The following ADARB2 variants were observed in gnomAD, a reference collection of about 807,000 sequenced individuals.
ADARB2 encodes the protein adenosine deaminase RNA specific B2 (inactive).
A neutral mutation model predicts 62.2 loss-of-function variants in ADARB2; 25 were observed. The observed-to-expected ratio is 0.40, with a 90% CI of 0.29 to 0.56. ADARB2 has a LOEUF of 0.56. Among genes scored for constraint, ADARB2 ranks in the 20% least tolerant of loss-of-function variants. The pLI, the probability that ADARB2 is intolerant of heterozygous loss-of-function variation, is 0.43. For synonymous variants in ADARB2, 572 were observed against 500.8 expected, an observed-to-expected ratio of 1.14 and a Z score of -1.90; for missense variants, 1,071 against 1,077.4, an observed-to-expected ratio of 0.99 and a Z score of 0.08.
intron 1 of ADARB2, among the ~76,000 whole-genome samples, chr10:1,468,291 C>A (rs1185708759): frequency 6.6e-6 from 1 of 152,150 alleles, no homozygotes; most frequent in Admixed American, 6.5e-5. Context: ...TTGCTGGCTG[C>A]CTGAGGCCAA....
intron 1 of ADARB2, among the ~76,000 whole-genome samples, chr10:1,706,547 A>G (rs541105204): frequency 6.6e-6 from 1 of 152,354 alleles, no homozygotes; most frequent in East Asian, 1.9e-4. Context: ...ATGGTGTTCC[A>G]GGAGAGTATT....
At chr10:1,587,476 G>T (rs781247241) in intron 1 of ADARB2, among the ~76,000 whole-genome samples, 7 of 151,818 alleles carry the variant, frequency 4.6e-5, no homozygotes, top group Non-Finnish European at 8.8e-5. Context: ...GTGTAGGTTC[G>T]GTTTCAGACA....
intron 1 of ADARB2, among the ~76,000 whole-genome samples, chr10:1,452,646 T>C (rs1370654077): frequency 1.2e-5 from 1 of 85,798 alleles, no homozygotes; most frequent in Non-Finnish European, 2.3e-5. Context: ...CACTGGGGCC[T>C]GTTGGGGGGT....
intron 3 of ADARB2, among the ~76,000 whole-genome samples, chr10:1,354,935 T>A (rs1832180259): frequency 6.6e-6 from 1 of 152,190 alleles, no homozygotes; most frequent in Non-Finnish European, 1.5e-5. Flanking sequence ...CTGAGCTCCA[T>A]GGAGGTACCC....
intron 1 of ADARB2, among the ~76,000 whole-genome samples, chr10:1,385,482 A>G (rs1832518027): frequency 6.6e-6 from 1 of 152,148 alleles, no homozygotes; most frequent in Non-Finnish European, 1.5e-5. Flanking sequence ...GCTCAAAAAC[A>G]TAACATTTGA....
intron 1 of ADARB2, among the ~76,000 whole-genome samples, chr10:1,488,582 C>A (rs1026606628): frequency 1.1e-4 from 17 of 151,134 alleles, no homozygotes; most frequent in African/African-American, 9.9e-5. Flanking sequence ...GCTGCAGGAT[C>A]AATGATCAAT....
At position 1,359,424 on chromosome 10, in the gene ADARB2, G is replaced by A. The variant is rs74467731; in HGVS notation, c.1077+3604C>T. Among the ~76,000 whole-genome samples, 1,063 of 152,312 alleles carry A rather than the reference G, an allele frequency of 7.0e-3. 10 individuals carry two copies. Among genetic ancestry groups the A allele is most frequent in the Non-Finnish European group, 0.011 (779 of 68,030 alleles). On this transcript the variant is annotated intron_variant, in intron 3 of 9. Transcript: ENST00000381312. ...GAGTCTGATCCTGAGAAACACCCCC[G>A]GGTGCAGGAAATAGTGAAAATCAGA...
chr10:1,590,932 C>T (rs1833244114), intron 1 of ADARB2, among the ~76,000 whole-genome samples: 1 of 152,172 alleles, frequency 6.6e-6, no homozygotes, highest in South Asian at 2.1e-4. Context: ...GAACTGACCA[C>T]CTGAGGCCAC....
At chr10:1,663,202 A>G (rs998540626) in intron 1 of ADARB2, among the ~76,000 whole-genome samples, 1 of 152,264 alleles carries the variant, frequency 6.6e-6, no homozygotes, top group African/African-American at 2.4e-5. Context: ...GACTTCCCAT[A>G]CATGCCGCCT....
rs572505302 is a variant in ADARB2, at chr10:1,633,238, G to A, written c.100+103813C>T. On this transcript the variant is annotated intron_variant, in intron 1 of 9. Coordinates refer to ENST00000381312, the MANE Select transcript of ADARB2 (RefSeq NM_018702.4). ...TCACCAGTGCCCAAGCAGGGATTGA[G>A]GGACGTCTTAGCCTCCATGATCACA... Among the ~76,000 whole-genome samples the A allele has an allele frequency of 3.9e-5, 6 of 152,272 alleles. No individual in the cohort carries two copies. The East Asian group carries it at 9.7e-4, about 24-fold the overall frequency.
intron 1 of ADARB2, among the ~76,000 whole-genome samples, chr10:1,670,364 C>G (rs1834368711): frequency 1.3e-5 from 2 of 152,182 alleles, no homozygotes; most frequent in South Asian, 4.1e-4. Flanking sequence ...AGGACTGAAC[C>G]CAGCAGCAGA....
intron 3 of ADARB2, among the ~76,000 whole-genome samples, chr10:1,275,520 T>TC (rs1354255774): frequency 1.3e-5 from 2 of 151,988 alleles, no homozygotes; most frequent in Non-Finnish European, 2.9e-5. Flanking sequence ...CTTTTCTTTT[T>TC]TTTTAATTTA....
chr10:1,392,960 AC>A lies in ADARB2; in HGVS notation c.101-13801del, dbSNP rs768019506. ...AAGAGGTAATTGTGTTCAAAAAAAA[AC>A]ATACAACTCCTAATTTCCTTCTCAA... is the stretch of plus-strand genomic sequence containing the variant. On this transcript the variant is annotated intron_variant, in intron 1 of 9. Coordinates refer to ENST00000381312, the MANE Select transcript of ADARB2 (RefSeq NM_018702.4). Among the ~76,000 whole-genome samples, 6 of 152,284 alleles carry A rather than the reference AC, an allele frequency of 3.9e-5. 1 individual carries two copies. The highest frequency in any genetic ancestry group is 9.6e-5 in the African/African-American group (4 of 41,564).
chr10:1,278,052 C>T (rs528733274), intron 3 of ADARB2, among the ~76,000 whole-genome samples: 1 of 152,160 alleles, frequency 6.6e-6, no homozygotes, highest in Non-Finnish European at 1.5e-5. Flanking sequence ...TCACTGCAAC[C>T]TCCGCCTCCC....
intron 3 of ADARB2, among the ~76,000 whole-genome samples, chr10:1,355,411 G>A (rs534525151): frequency 3.9e-5 from 6 of 152,306 alleles, no homozygotes; most frequent in South Asian, 4.1e-4. Flanking sequence ...GACTTTGGAC[G>A]TGGGACTCAG....
At chr10:1,245,056 G>A (rs1830970714) in intron 4 of ADARB2, among the ~76,000 whole-genome samples, 1 of 152,154 alleles carries the variant, frequency 6.6e-6, no homozygotes, top group Non-Finnish European at 1.5e-5. Context: ...CAGTACTGTT[G>A]CCCATGAGTG....
chr10:1,264,067 C>T (rs554713968), intron 4 of ADARB2, among the ~76,000 whole-genome samples: 1 of 152,200 alleles, frequency 6.6e-6, no homozygotes, highest in East Asian at 1.9e-4. Flanking sequence ...CAGCCGTCGG[C>T]CTCCGTGAAT....
chr10:1,200,259 G>C lies in ADARB2; in HGVS notation c.1683-112C>G, dbSNP rs1468504130. 2.8e-6 allele frequency: 4 copies of C among 1,412,024 alleles called. No individual in the cohort carries two copies. The South Asian group carries it at 3.7e-5, about 13-fold the overall frequency. 87.5% of individuals were successfully genotyped at this position (1,412,024 alleles called of 1,614,324 possible). ...GGACCTGTCAGTCTTCCCATCGTGC[G>C]GACCTTGGGGAGCTCCCTGGGAGTG... On this transcript the variant is annotated intron_variant, in intron 7 of 9. Coordinates refer to ENST00000381312, the MANE Select transcript of ADARB2 (RefSeq NM_018702.4).
At chr10:1,576,298 G>A (rs1188034802) in intron 1 of ADARB2, among the ~76,000 whole-genome samples, 2 of 150,406 alleles carry the variant, frequency 1.3e-5, no homozygotes, top group African/African-American at 2.5e-5. Context: ...AGGATCACTG[G>A]AGGGGCTCAG....
Sources: gnomAD v4.1 joint callset for allele counts (sites outside exome capture counted in the v4.1 genomes callset) on GRCh38, gnomAD v4.1.1 for gene constraint, MANE v1.5 for transcripts, NCBI Gene and HGNC (gene_info 2026-07-23, HGNC 2026-07-21) for gene names.